TRPM1: variants seen among roughly 807,000 people sequenced by gnomAD.
TRPM1 encodes TRPM1-203 APA Isoform, Intron 10.
In TRPM1, 113 loss-of-function variants were observed where a neutral mutation model predicts 149.4. The ratio of observed to expected loss-of-function variants is 0.76; its 90% CI spans 0.65 to 0.88. The LOEUF is 0.88. TRPM1 is among the 40% of genes least tolerant of loss of function. TRPM1 has a pLI of 0.00. For missense variants in TRPM1, 1,976 were observed against 2,038.7 expected (o/e 0.97, Z 0.59); for synonymous variants, 741 against 759.5 (o/e 0.98, Z 0.40).
intron 2 of TRPM1, among the ~76,000 whole-genome samples, chr15:31,079,931 A>G (rs1436807936): frequency 6.6e-6 from 1 of 152,174 alleles, no homozygotes; most frequent in Non-Finnish European, 1.5e-5. Context: ...TTTACTTTTG[A>G]CATGGGAACA....
chr15:31,087,457 T>C (rs2035035605), intron 1 of TRPM1, among the ~76,000 whole-genome samples: 2 of 151,764 alleles, frequency 1.3e-5, no homozygotes, highest in Admixed American at 6.6e-5. Context: ...GGTTTCACCA[T>C]GTTAGCCAGG....
intron 1 of TRPM1, among the ~76,000 whole-genome samples, chr15:31,156,195 CAAAAAAAAAAA>C (rs35981768): frequency 8.2e-5 from 3 of 36,656 alleles, no homozygotes; most frequent in South Asian, 1.5e-3. Flanking sequence ...AGACCTCTGT[CAAAAAAAAAAA>C]AAAAAAAAAA....
chr15:31,135,434 A>T (rs1027967647), intron 1 of TRPM1, among the ~76,000 whole-genome samples: 1 of 152,176 alleles, frequency 6.6e-6, no homozygotes, highest in Non-Finnish European at 1.5e-5. Context: ...AATAAATAAA[A>T]TTTTTAAATT....
At chr15:31,113,115 G>A (rs984152778) in intron 1 of TRPM1, among the ~76,000 whole-genome samples, 28 of 152,072 alleles carry the variant, frequency 1.8e-4, no homozygotes, top group African/African-American at 2.9e-4. Flanking sequence ...TTGGCTTTAG[G>A]TAGCTAAGAT....
intron 1 of TRPM1, among the ~76,000 whole-genome samples, chr15:31,088,802 T>TGGGG (rs57567619): frequency 6.7e-6 from 1 of 150,314 alleles, no homozygotes; most frequent in African/African-American, 2.4e-5. Context: ...TTCTTTCTGC[T>TGGGG]GGGGGGATGC....
rs35981768 is a variant in TRPM1, at chr15:31,156,195, CAAAAAAAAAAAAAA to C, written c.54+4697_54+4710del. Among the ~76,000 whole-genome samples the C allele has an allele frequency of 4.0e-3, 148 of 36,656 alleles. 1 individual carries two copies. Among genetic ancestry groups the C allele is most frequent in the Non-Finnish European group, 5.7e-3 (113 of 19,780 alleles). The allele number at this position is 36,656 out of a possible 152,430, so 24.0% of individuals were successfully genotyped here. On this transcript the variant is annotated intron_variant, in intron 1 of 26. Transcript: ENST00000542188. ...CTGGGTGACAGAGCGAGACCTCTGT[CAAAAAAAAAAAAAA>C]AAAAAAAAAAAAGGAAATCAAAATA...
chr15:31,150,433 CTTTTT>C (rs35862690), intron 1 of TRPM1, among the ~76,000 whole-genome samples: 10 of 110,870 alleles, frequency 9.0e-5, no homozygotes, highest in Admixed American at 1.9e-4. Context: ...TTTTCTTTTC[CTTTTT>C]TTTTTTTTTT....
At chr15:31,067,664 A>G (rs1228168648) in intron 5 of TRPM1, among the ~76,000 whole-genome samples, 2 of 152,144 alleles carry the variant, frequency 1.3e-5, no homozygotes, top group African/African-American at 4.8e-5. Context: ...AGAGATGTTG[A>G]CCATTATGAC....
chr15:31,095,546 A>T (rs2035355395), intron 1 of TRPM1, among the ~76,000 whole-genome samples: 1 of 150,800 alleles, frequency 6.6e-6, no homozygotes, highest in Non-Finnish European at 1.5e-5. Flanking sequence ...TTAGCCAGGC[A>T]TGGTGACAGG....
intron 7 of TRPM1, chr15:31,065,151 T>A (rs566338968): frequency 1.9e-6 from 1 of 532,860 alleles, no homozygotes; most frequent in Admixed American, 2.0e-5. Flanking sequence ...AAATGGGGTG[T>A]TGTAAAAACT....
At chr15:31,042,277 C>T in intron 16 of TRPM1, 34 bp from the exon 17 acceptor site, 1 of 1,549,982 alleles carries the variant, frequency 6.5e-7, no homozygotes, top group Non-Finnish European at 8.7e-7. Flanking sequence ...ATGGTTTTGC[C>T]ATAAAAGTAT....
chr15:31,073,165 T>C (rs1307689883), intron 3 of TRPM1, among the ~76,000 whole-genome samples: 1 of 152,190 alleles, frequency 6.6e-6, no homozygotes, highest in Non-Finnish European at 1.5e-5. Context: ...GTTTGGTCCA[T>C]TTTAACTTTT....
At chr15:31,150,949 G>T (rs1024188262) in intron 1 of TRPM1, among the ~76,000 whole-genome samples, 1 of 152,138 alleles carries the variant, frequency 6.6e-6, no homozygotes, top group Non-Finnish European at 1.5e-5. Flanking sequence ...GTCCACATGC[G>T]CATTAGGAGG....
At chr15:31,033,769 T>C (rs1366820412) in intron 21 of TRPM1, among the ~76,000 whole-genome samples, 2 of 152,056 alleles carry the variant, frequency 1.3e-5, no homozygotes, top group African/African-American at 4.8e-5. Context: ...AAGAACAGTG[T>C]CTCGGTGTAT....
chr15:31,020,323 C>T (rs755996190), intron 27 of TRPM1, among the ~76,000 whole-genome samples: 2 of 152,210 alleles, frequency 1.3e-5, no homozygotes, highest in Non-Finnish European at 2.9e-5. Flanking sequence ...GAGGCAATGT[C>T]GTATGTTTAT....
chr15:31,132,205 T>C (rs959750188), intron 1 of TRPM1, among the ~76,000 whole-genome samples: 1 of 152,150 alleles, frequency 6.6e-6, no homozygotes, highest in Admixed American at 6.5e-5. Flanking sequence ...AAGCTCTGCC[T>C]CCCCTGGCCC....
At chr15:31,068,244 T>C in intron 4 of TRPM1, 152 bp from the exon 5 acceptor site, 1 of 739,912 alleles carries the variant, frequency 1.4e-6, no homozygotes, top group Non-Finnish European at 2.4e-6. Flanking sequence ...TGTGGCCAAG[T>C]GACTGAAGGG....
chr15:31,089,094 A>G (rs775394268), intron 1 of TRPM1, among the ~76,000 whole-genome samples: 3 of 152,224 alleles, frequency 2.0e-5, no homozygotes, highest in Non-Finnish European at 4.4e-5. Context: ...TAAAAAACAA[A>G]AATCAATACA....
chr15:31,147,495 C>T (rs1275643223), intron 1 of TRPM1, among the ~76,000 whole-genome samples: 2 of 152,236 alleles, frequency 1.3e-5, no homozygotes, highest in African/African-American at 4.8e-5. Context: ...TCACACTTCA[C>T]AGATATGGAA....
Sources: allele counts gnomAD v4.1 joint callset (sites outside exome capture counted in the v4.1 genomes callset), GRCh38; gene constraint gnomAD v4.1.1; transcripts MANE v1.5; gene names NCBI Gene and HGNC (gene_info 2026-07-23, HGNC 2026-07-21).